Variants in SMG1 observed in about 807,000 individuals in gnomAD.
SMG1 encodes the protein serine/threonine-protein kinase SMG1.
SMG1 carries 22 observed loss-of-function variants against 419.9 expected under a neutral mutation model. The observed-to-expected ratio is 0.05, with a 90% CI of 0.04 to 0.07. The LOEUF is 0.07. Among genes scored for constraint, SMG1 ranks in the 10% least tolerant of loss-of-function variants. The pLI is 1.00. For missense variants in SMG1, 3,185 were observed against 4,342.0 expected (o/e 0.73, Z 7.49); for synonymous variants, 1,538 against 1,553.5 (o/e 0.99, Z 0.23).
intron 6 of SMG1, among the ~76,000 whole-genome samples, chr16:18,887,374 G>C (rs998885389): frequency 1.3e-5 from 2 of 151,690 alleles, no homozygotes; most frequent in African/African-American, 4.8e-5. Context: ...TTTTGAGATA[G>C]GGTTGCCTAT....
At chr16:18,819,730 A>C in intron 55 of SMG1, 76 bp from the exon 56 acceptor site, 2 of 1,367,012 alleles carry the variant, frequency 1.5e-6, no homozygotes, top group Non-Finnish European at 1.9e-6. Flanking sequence ...TTTATATAAC[A>C]CAATAAAGAT....
chr16:18,879,572 A>G lies in SMG1; in HGVS notation c.1441T>C (p.Tyr481His). 1 of 1,293,028 alleles carries G rather than the reference A, an allele frequency of 7.7e-7. No homozygotes were observed. The highest frequency in any genetic ancestry group is 1.3e-5 in the South Asian group (1 of 79,092). The allele number at this position is 1,293,028 out of a possible 1,614,324, so 80.1% of individuals were successfully genotyped here. Residue 481 changes from tyrosine (Y) to histidine (H), a missense_variant, in exon 11 of 63, where the codon TAT becomes CAT. Transcript: ENST00000446231. ...MTIHCDMVIT[Y>H]GLDQLENCQT... is the part of the protein sequence containing the mutation. ...CAATTCTCCAGTTGGTCTAATCCAT[A>G]TGTAATGACCATGTCACAATGTATA...
chr16:18,864,505 A>C (rs957676273), intron 23 of SMG1, among the ~76,000 whole-genome samples: 2 of 151,294 alleles, frequency 1.3e-5, no homozygotes, highest in Admixed American at 1.3e-4. Flanking sequence ...GCCTTTACTT[A>C]CTTATTTTTT....
intron 1 of SMG1, among the ~76,000 whole-genome samples, chr16:18,903,344 A>C (rs1596633692): frequency 6.6e-6 from 1 of 152,188 alleles, no homozygotes; most frequent in East Asian, 1.9e-4. Context: ...AAAGCTGAAG[A>C]AAGTACCCCC....
chr16:18,884,957 C>T (rs13334655), intron 8 of SMG1, 133 bp downstream of exon 8: 43,638 of 642,816 alleles, frequency 0.068, 1,898 homozygotes, highest in African/African-American at 0.16. Context: ...AAGTAATGTT[C>T]ATTTACAATA....
intron 60 of SMG1, among the ~76,000 whole-genome samples, chr16:18,813,513 GGTT>G (rs1310836910): frequency 1.3e-5 from 2 of 152,080 alleles, no homozygotes; most frequent in African/African-American, 4.8e-5. Context: ...TTTTTGATGG[GGTT>G]GTTTTTTTCT....
At chr16:18,865,717 C>G (rs2035464961) in intron 23 of SMG1, among the ~76,000 whole-genome samples, 1 of 150,420 alleles carries the variant, frequency 6.6e-6, no homozygotes, top group Non-Finnish European at 1.5e-5. Context: ...GGCTGGAGGG[C>G]AGTGGCACAA....
At chr16:18,847,748 C>A in intron 37 of SMG1, 68 bp downstream of exon 37, 1 of 1,574,258 alleles carries the variant, frequency 6.4e-7, no homozygotes, top group South Asian at 1.1e-5. Context: ...ATTGTCAATA[C>A]AGATTGGCAA....
intron 1 of SMG1, among the ~76,000 whole-genome samples, chr16:18,916,515 A>C: frequency 1.8e-5 from 1 of 56,982 alleles, no homozygotes; most frequent in Non-Finnish European, 4.3e-5. Context: ...CTCCATCTCA[A>C]AAAAAAAAAA....
rs760648450 is a variant in SMG1, at chr16:18,854,675, G to T, written c.4464C>A (p.Thr1488=). Residue 1488 remains threonine (T), a synonymous_variant, in exon 30 of 63, where the codon ACC becomes ACA. Coordinates refer to ENST00000446231, the MANE Select transcript of SMG1 (RefSeq NM_015092.5). Reference sequence around the variant, plus strand: ...ACTAACCTGCTGTATAAAGCAATTTGGTTTTTTCAATATCAAGTTCGGGCC... The same window carrying T: ...ACTAACCTGCTGTATAAAGCAATTTTGTTTTTTCAATATCAAGTTCGGGCC... The part of the protein sequence containing the change: ...KWGPELDIEK[T]KLLYTAGQST... The T allele has an allele frequency of 3.7e-6, 6 of 1,613,480 alleles. No individual in the cohort carries two copies. The highest frequency in any genetic ancestry group is 2.5e-6 in the Non-Finnish European group (3 of 1,179,756).
intron 62 of SMG1, among the ~76,000 whole-genome samples, chr16:18,810,778 T>A (rs1428791606): frequency 6.6e-6 from 1 of 152,216 alleles, no homozygotes; most frequent in Non-Finnish European, 1.5e-5. Context: ...TTGACAATTA[T>A]GTAGTAGCTA....
intron 1 of SMG1, among the ~76,000 whole-genome samples, chr16:18,919,824 AG>A (rs1180116070): frequency 6.6e-6 from 1 of 151,244 alleles, no homozygotes; most frequent in Admixed American, 6.6e-5. Context: ...GGGGGGGTCC[AG>A]GCACGGTGTC....
In SMG1 at chr16:18,854,938, T is replaced by C. The variant is rs1421659527; in HGVS notation, c.4235-34A>G. 6.9e-6 allele frequency: 11 copies of C among 1,597,748 alleles called. No homozygotes were observed. The East Asian group carries it at 2.5e-4, about 36-fold the overall frequency. On this transcript the variant is annotated intron_variant, in intron 29 of 62. Coordinates refer to ENST00000446231, the MANE Select transcript of SMG1 (RefSeq NM_015092.5). ...AGGAAAACGTTTTATTAGTTCCTAA[T>C]TTGTCTAAACCAGACTGCATGGAAA... is the stretch of plus-strand genomic sequence containing the variant.
intron 3 of SMG1, among the ~76,000 whole-genome samples, chr16:18,893,053 A>C (rs1397246950): frequency 1.3e-5 from 2 of 152,250 alleles, no homozygotes; most frequent in Non-Finnish European, 2.9e-5. Context: ...TCCAAGGGGT[A>C]CGGATAAAGT....
In SMG1 at chr16:18,807,668, T is replaced by A. The variant is rs2030963682; in HGVS notation, c.*1901A>T. ...TGTGGAATTTTTTCCTTAATACCTTTCAAGTTTGTCTGTGAAGACGGCAAC... is the reference window on the plus strand; with the variant it reads ...TGTGGAATTTTTTCCTTAATACCTTACAAGTTTGTCTGTGAAGACGGCAAC... On this transcript the variant is annotated 3_prime_UTR_variant, in exon 63 of 63. Coordinates refer to ENST00000446231, the MANE Select transcript of SMG1 (RefSeq NM_015092.5). 1.3e-5 allele frequency: 2 copies of A among 152,202 alleles called. No individual in the cohort carries two copies. Among genetic ancestry groups the A allele is most frequent in the African/African-American group, 4.8e-5 (2 of 41,460 alleles). The allele number at this position is 152,202 out of a possible 1,614,324, so 9.4% of individuals were successfully genotyped here.
Position 18,847,591 on chromosome 16 carries a change from G to C in SMG1, c.5858C>G (p.Ala1953Gly). ...GAGCACAGTGACCCTGCGCAGTTCA[G>C]CCACGAGCATCTGAACCTGCATACA... ...TMVLQVQMLV[A>G]ELRRVTVLWD... Residue 1953 changes from alanine to glycine, a missense_variant, in exon 38 of 63, where the codon GCT becomes GGT. By Grantham distance (60) the Ala-to-Gly change is moderately conservative. This residue lies in a region of SMG1 where 130 missense variants were observed against 162.0 expected (regional missense o/e 0.80). Coordinates refer to ENST00000446231, the MANE Select transcript of SMG1 (RefSeq NM_015092.5). 1 of 1,613,980 alleles carries C rather than the reference G, an allele frequency of 6.2e-7. No individual in the cohort carries two copies.
At chr16:18,887,834 ATAATT>A (rs1362954251) in intron 6 of SMG1, among the ~76,000 whole-genome samples, 8 of 145,582 alleles carry the variant, frequency 5.5e-5, no homozygotes, top group Middle Eastern at 7.0e-3. Flanking sequence ...CATCAATACT[ATAATT>A]TAATCACTTA....
chr16:18,830,011 C>G lies in SMG1; in HGVS notation c.9048G>C (p.Val3016=). The G allele has an allele frequency of 6.3e-7, 1 of 1,594,248 alleles. No individual in the cohort carries two copies. The highest frequency in any genetic ancestry group is 1.1e-5 in the South Asian group (1 of 88,206). Residue 3016 remains valine (V), a synonymous_variant, in exon 53 of 63, where the codon GTG becomes GTC. Transcript: ENST00000446231. ...TTTTTAGAAAGAAAATCTCTTCTAG[C>G]ACCTGCCGGTGATTATCATCATCAA... The part of the protein sequence containing the change: ...NFFDDDNHRQ[V]LEEIFFLKRL...
At chr16:18,884,986 GTTT>G (rs2141742619) in intron 8 of SMG1, 101 bp downstream of exon 8, 1 of 649,252 alleles carries the variant, frequency 1.5e-6, no homozygotes, top group Non-Finnish European at 2.7e-6. Context: ...CTCTGAATTA[GTTT>G]TCTTGCATTA....
Sources: allele counts gnomAD v4.1 joint callset (sites outside exome capture counted in the v4.1 genomes callset), GRCh38; gene constraint gnomAD v4.1.1; regional missense constraint gnomAD v4.1.1; transcripts MANE v1.5; gene names NCBI Gene and HGNC (gene_info 2026-07-23, HGNC 2026-07-21).